Variants in ACBD6 observed in about 807,000 individuals in gnomAD.
ACBD6 encodes the protein acyl-CoA-binding domain-containing protein 6.
A neutral mutation model predicts 37.2 loss-of-function variants in ACBD6; 28 were observed. That is an observed-to-expected ratio of 0.75 (90% CI 0.56 to 1.03). The LOEUF (loss-of-function observed/expected upper bound fraction) is 1.03, where lower values mean the gene tolerates loss of function less well. Ranked by LOEUF, ACBD6 falls within the 50% of genes least tolerant of loss-of-function variation. The pLI, the probability that ACBD6 is intolerant of heterozygous loss-of-function variation, is 0.00. For missense variants in ACBD6, 340 were observed against 337.4 expected (o/e 1.01, Z -0.06); for synonymous variants, 113 against 126.8 (o/e 0.89, Z 0.73).
intron 3 of ACBD6, among the ~76,000 whole-genome samples, chr1:180,459,180 T>A (rs1650034923): frequency 6.6e-6 from 1 of 152,178 alleles, no homozygotes; most frequent in Non-Finnish European, 1.5e-5. Flanking sequence ...TTCCCGTTAT[T>A]CAAAAGAAAT....
At chr1:180,477,647 T>C (rs1650852469) in intron 3 of ACBD6, among the ~76,000 whole-genome samples, 2 of 152,172 alleles carry the variant, frequency 1.3e-5, no homozygotes, top group African/African-American at 4.8e-5. Flanking sequence ...TAGTTCTTAA[T>C]TCCCAACTAA....
chr1:180,479,598 A>C (rs1341721520), intron 3 of ACBD6, among the ~76,000 whole-genome samples: 1 of 152,144 alleles, frequency 6.6e-6, no homozygotes, highest in Non-Finnish European at 1.5e-5. Flanking sequence ...GAGTAGAGGG[A>C]CTACACTTGA....
intron 6 of ACBD6, among the ~76,000 whole-genome samples, chr1:180,375,352 C>G (rs1653394840): frequency 6.6e-6 from 1 of 151,302 alleles, no homozygotes; most frequent in Non-Finnish European, 1.5e-5. Flanking sequence ...TTTTTTGAGA[C>G]AAGGTCTCTG....
chr1:180,334,197 G>A (rs1393712719), intron 6 of ACBD6, among the ~76,000 whole-genome samples: 1 of 152,226 alleles, frequency 6.6e-6, no homozygotes, highest in Non-Finnish European at 1.5e-5. Flanking sequence ...CTGGAGATCT[G>A]AGAACAGACA....
intron 6 of ACBD6, among the ~76,000 whole-genome samples, chr1:180,351,066 C>A (rs1187221704): frequency 6.6e-6 from 1 of 152,020 alleles, no homozygotes; most frequent in Non-Finnish European, 1.5e-5. Flanking sequence ...TTATGGTAAT[C>A]TGTATGCAGA....
chr1:180,306,997 A>G (rs1650407049), intron 7 of ACBD6, among the ~76,000 whole-genome samples: 1 of 152,200 alleles, frequency 6.6e-6, no homozygotes, highest in Non-Finnish European at 1.5e-5. Flanking sequence ...AGCAGTCCCA[A>G]TCATGGGTAT....
intron 4 of ACBD6, among the ~76,000 whole-genome samples, chr1:180,427,354 C>T (rs1035998875): frequency 5.3e-5 from 8 of 152,180 alleles, no homozygotes; most frequent in Non-Finnish European, 1.2e-4. Flanking sequence ...TCATCCAAGT[C>T]TACCATTTGA....
intron 6 of ACBD6, among the ~76,000 whole-genome samples, chr1:180,387,751 T>C (rs1214239016): frequency 6.6e-6 from 1 of 152,066 alleles, no homozygotes; most frequent in South Asian, 2.1e-4. Flanking sequence ...GTTGAAAAGT[T>C]CTGTTCTTTT....
At chr1:180,405,381 G>C (rs1187335261) in intron 5 of ACBD6, among the ~76,000 whole-genome samples, 7 of 152,108 alleles carry the variant, frequency 4.6e-5, no homozygotes, top group African/African-American at 1.7e-4. Flanking sequence ...AATAGACTAC[G>C]GAAAATGGCT....
chr1:180,443,779 A>T (rs1339432959), intron 3 of ACBD6, among the ~76,000 whole-genome samples: 2 of 134,102 alleles, frequency 1.5e-5, no homozygotes, highest in African/African-American at 2.8e-5. Context: ...CGCCCAGCTA[A>T]TTTTTTTTTT....
chr1:180,291,265 G>T (rs1458817588), intron 7 of ACBD6, among the ~76,000 whole-genome samples: 1 of 152,164 alleles, frequency 6.6e-6, no homozygotes, highest in Non-Finnish European at 1.5e-5. Context: ...GAATTGCTGA[G>T]TCATATGGCA....
intron 5 of ACBD6, among the ~76,000 whole-genome samples, chr1:180,404,431 C>T (rs948132307): frequency 1.3e-4 from 20 of 152,082 alleles, no homozygotes; most frequent in African/African-American, 4.3e-4. Context: ...AGCCACTACA[C>T]TTGGCTCATG....
intron 7 of ACBD6, among the ~76,000 whole-genome samples, chr1:180,300,570 A>G (rs1331174170): frequency 6.6e-6 from 1 of 152,136 alleles, no homozygotes; most frequent in African/African-American, 2.4e-5. Context: ...TTAGTTTTAT[A>G]TATTTGTAAC....
At chr1:180,298,365 G>A (rs1369834649) in intron 7 of ACBD6, among the ~76,000 whole-genome samples, 2 of 152,150 alleles carry the variant, frequency 1.3e-5, no homozygotes, top group East Asian at 1.9e-4. Flanking sequence ...TAACCATCAT[G>A]ATCTGTCAGA....
At chr1:180,446,509 G>T (rs1001292863) in intron 3 of ACBD6, among the ~76,000 whole-genome samples, 5 of 151,968 alleles carry the variant, frequency 3.3e-5, no homozygotes, top group Admixed American at 6.6e-5. Context: ...CCTGAAACAT[G>T]AATAGCTATT....
intron 2 of ACBD6, 30 bp from the exon 3 acceptor site, chr1:180,492,395 T>C (rs768847483): frequency 2.6e-6 from 4 of 1,533,526 alleles, no homozygotes; most frequent in South Asian, 1.1e-5. Flanking sequence ...AAATGGCCTG[T>C]CATTATGCAA....
chr1:180,427,617 C>T (rs1557865629), intron 4 of ACBD6, among the ~76,000 whole-genome samples: 1 of 152,132 alleles, frequency 6.6e-6, no homozygotes, highest in Non-Finnish European at 1.5e-5. Flanking sequence ...AATAATCCAA[C>T]ATTTCAGTAC....
chr1:180,356,572 C>T (rs975924796), intron 6 of ACBD6, among the ~76,000 whole-genome samples: 8 of 151,382 alleles, frequency 5.3e-5, no homozygotes, highest in African/African-American at 9.7e-5. Context: ...GTTGGCTGGG[C>T]GTGCTGGTTT....
chr1:180,430,303 GT>G (rs758983860), intron 3 of ACBD6, 41 bp from the exon 4 acceptor site: 3 of 1,490,918 alleles, frequency 2.0e-6, no homozygotes, highest in Non-Finnish European at 1.9e-6. Flanking sequence ...AGACAAATGG[GT>G]TAAAACAATA....
Sources: gnomAD v4.1 joint callset for allele counts (sites outside exome capture counted in the v4.1 genomes callset) on GRCh38, gnomAD v4.1.1 for gene constraint, MANE v1.5 for transcripts, NCBI Gene and HGNC (gene_info 2026-07-23, HGNC 2026-07-21) for gene names.